VWF: variants seen among roughly 807,000 people sequenced by gnomAD.
The protein encoded by VWF is von Willebrand factor, also known as Factor VIII related antigen.
In VWF, 176 loss-of-function variants were observed where a neutral mutation model predicts 308.6. The ratio of observed to expected loss-of-function variants is 0.57; its 90% CI spans 0.50 to 0.65. The LOEUF (loss-of-function observed/expected upper bound fraction) is 0.65. Among genes scored for constraint, VWF ranks in the 30% least tolerant of loss-of-function variants. The pLI is 0.00. For missense variants in VWF, 3,146 were observed against 3,648.2 expected, an observed-to-expected ratio of 0.86 and a Z score of 3.55; for synonymous variants, 1,385 against 1,443.4, an observed-to-expected ratio of 0.96 and a Z score of 0.92.
chr12:6,075,502 C>G lies in VWF; in HGVS notation c.707G>C (p.Arg236Pro). 2 of 1,614,200 alleles carry G rather than the reference C, an allele frequency of 1.2e-6. No individual in the cohort carries two copies. The highest frequency in any genetic ancestry group is 1.6e-4 in the Middle Eastern group (1 of 6,062). Residue 236 changes from arginine to proline, a missense_variant, in exon 7 of 52, where the codon CGC (arginine) becomes CCC (proline). By Grantham distance (103) the Arg-to-Pro change is moderately radical. Around this residue, in one of 3 missense-constraint regions of VWF, gnomAD observed 1,304 missense variants for 1,353.0 expected, o/e 0.96. Transcript: ENST00000261405. The surrounding 1 kb of genome is among the most constrained non-coding windows in gnomAD (Gnocchi z 4.7). ...CTCGGGGTCCACCAGAGGGTGGCAG[C>G]GGGCAAACACCGAGGTGCTCTTCAG... is the stretch of plus-strand genomic sequence containing the variant. ...QLLKSTSVFA[R>P]CHPLVDPEPF...
At chr12:6,059,631 T>C (rs1944631743) in intron 13 of VWF, among the ~76,000 whole-genome samples, 1 of 152,216 alleles carries the variant, frequency 6.6e-6, no homozygotes, top group African/African-American at 2.4e-5. Context: ...TAGCAAGCTC[T>C]CTGAGGTCTT....
chr12:5,982,747 C>A (rs1193405112), intron 41 of VWF, among the ~76,000 whole-genome samples: 1 of 152,110 alleles, frequency 6.6e-6, no homozygotes. Flanking sequence ...CATATATACA[C>A]CTTCAGAGGC....
intron 5 of VWF, among the ~76,000 whole-genome samples, chr12:6,108,544 C>G (rs1044823926): frequency 2.0e-5 from 3 of 148,004 alleles, no homozygotes; most frequent in Admixed American, 6.8e-5. Context: ...AGTCCTGCAC[C>G]AATCAGAGAA....
chr12:6,107,112 G>A (rs891348403), intron 5 of VWF, among the ~76,000 whole-genome samples: 7 of 152,110 alleles, frequency 4.6e-5, no homozygotes, highest in Non-Finnish European at 1.5e-5. Context: ...CACCAATATG[G>A]ATTAACCTCT....
At chr12:6,049,517 T>C (rs2136446019) in intron 16 of VWF, among the ~76,000 whole-genome samples, 1 of 152,316 alleles carries the variant, frequency 6.6e-6, no homozygotes, top group Middle Eastern at 3.4e-3. Context: ...GCCTCTATCC[T>C]TACCACTGAA....
At chr12:6,033,349 AC>A (rs2136429201) in intron 20 of VWF, among the ~76,000 whole-genome samples, 1 of 152,346 alleles carries the variant, frequency 6.6e-6, no homozygotes, top group African/African-American at 2.4e-5. Context: ...AACAAGCCAC[AC>A]ACAAGGGGCA....
chr12:5,973,561 C>A (rs1430985957), intron 43 of VWF, among the ~76,000 whole-genome samples: 4 of 152,134 alleles, frequency 2.6e-5, no homozygotes, highest in Admixed American at 6.5e-5. Context: ...ACTGGAGTTG[C>A]GGGTTGTACC....
chr12:5,961,455 G>A (rs770819595), intron 47 of VWF, among the ~76,000 whole-genome samples: 7 of 151,706 alleles, frequency 4.6e-5, no homozygotes, highest in Non-Finnish European at 7.4e-5. Context: ...ATATTGTACT[G>A]ATTATATTAG....
Position 5,996,065 on chromosome 12 carries a change from G to C in VWF, c.6000C>G (p.Gly2000=). The C allele has an allele frequency of 6.2e-7, 1 of 1,613,982 alleles. No individual in the cohort carries two copies. The highest frequency in any genetic ancestry group is 8.5e-7 in the Non-Finnish European group (1 of 1,180,026). ...GCTTCACCTCGATGGATTTCATGCA[G>C]CCCTGCCTTGCTCCAGGGCTGCAGG... ...NGACSPGARQ[G]CMKSIEVKHS... is the part of the protein sequence containing the mutation. The change falls in exon 35 of 52, where the codon GGC becomes GGG. Residue 2000 remains glycine (G), a synonymous_variant. Coordinates refer to ENST00000261405, the MANE Select transcript of VWF (RefSeq NM_000552.5).
intron 15 of VWF, among the ~76,000 whole-genome samples, chr12:6,056,381 A>G (rs1944578800): frequency 6.7e-6 from 1 of 149,626 alleles, no homozygotes; most frequent in Admixed American, 6.6e-5. Context: ...ACCTTTAGGT[A>G]ACTTTATACA....
intron 9 of VWF, among the ~76,000 whole-genome samples, chr12:6,071,752 C>T (rs74565676): frequency 0.029 from 4,386 of 152,208 alleles, 202 homozygotes; most frequent in African/African-American, 0.098. Context: ...GCTCAGTGCA[C>T]ACAGAAGGCT....
At chr12:5,962,620 G>T (rs1943332685) in intron 47 of VWF, among the ~76,000 whole-genome samples, 1 of 95,668 alleles carries the variant, frequency 1.0e-5, no homozygotes, top group Non-Finnish European at 1.9e-5. Flanking sequence ...TCGGCTCACT[G>T]CAACCTCTGC....
In VWF at chr12:6,022,133, C is replaced by T. The variant is rs1196351821; in HGVS notation, c.3539-98G>A. 3.0e-5 allele frequency: 46 copies of T among 1,549,092 alleles called. 1 individual carries two copies. The highest frequency in any genetic ancestry group is 4.0e-5 in the Non-Finnish European group (45 of 1,125,324). ...AGGGAGGAGCCAACTCCTCCTCCTG[C>T]CCTAGAAGCCAACTCCTCCTGCCTG... is the stretch of plus-strand genomic sequence containing the variant. On this transcript the variant is annotated intron_variant, in intron 26 of 51. Transcript: ENST00000261405.
intron 3 of VWF, among the ~76,000 whole-genome samples, chr12:6,113,390 C>T (rs1218065287): frequency 2.0e-5 from 3 of 151,734 alleles, no homozygotes; most frequent in African/African-American, 7.3e-5. Flanking sequence ...CTCCGCCTCC[C>T]GGGTTCACGC....
At chr12:6,099,388 G>A (rs1009148051) in intron 5 of VWF, among the ~76,000 whole-genome samples, 12 of 150,932 alleles carry the variant, frequency 8.0e-5, no homozygotes, top group African/African-American at 2.9e-4. Context: ...CTGGATAAGT[G>A]AGGAAAAACG....
chr12:5,998,878 G>A (rs146756575), intron 34 of VWF, among the ~76,000 whole-genome samples: 5,360 of 152,078 alleles, frequency 0.035, 118 homozygotes, highest in Middle Eastern at 0.11. Flanking sequence ...ACAGGCATGC[G>A]CCACCACACC....
chr12:6,020,538 C>T lies in VWF; in HGVS notation c.3675-795G>A, dbSNP rs1591864080. On this transcript the variant is annotated intron_variant, in intron 27 of 51. Coordinates refer to ENST00000261405, the MANE Select transcript of VWF (RefSeq NM_000552.5). The surrounding 1 kb of genome is among the most constrained non-coding windows in gnomAD (Gnocchi z 4.3). ...GGCCCCCCACACACAAATTCCTACA[C>T]TACCATGCCAAATTTCCAGGCTCTG... Among the ~76,000 whole-genome samples, 1 of 152,378 alleles carries T rather than the reference C, an allele frequency of 6.6e-6. No homozygotes were observed. The highest frequency in any genetic ancestry group is 3.4e-3 in the Middle Eastern group (1 of 294).
chr12:6,108,346 C>T (rs1468222695), intron 5 of VWF, among the ~76,000 whole-genome samples: 5 of 134,862 alleles, frequency 3.7e-5, no homozygotes, highest in African/African-American at 1.7e-4. Context: ...CACACACACA[C>T]ACACACACAC....
intron 42 of VWF, 140 bp from the exon 43 acceptor site, chr12:5,976,400 A>G: frequency 9.3e-7 from 1 of 1,079,736 alleles, no homozygotes; most frequent in South Asian, 1.4e-5. Context: ...GCCCATATGC[A>G]GGGCTGCTTA....
Sources: gnomAD v4.1 joint callset for allele counts (sites outside exome capture counted in the v4.1 genomes callset) on GRCh38, gnomAD v4.1.1 for gene constraint, gnomAD v4.1.1 regional missense constraint, Gnocchi (gnomAD v3.1) non-coding constraint, MANE v1.5 for transcripts, NCBI Gene and HGNC (gene_info 2026-07-23, HGNC 2026-07-21) for gene names.